The following STK3 variants were observed in gnomAD, a reference collection of about 807,000 sequenced individuals.
The protein encoded by STK3 is serine/threonine kinase 3, also known as serine/threonine-protein kinase 3.
A neutral mutation model predicts 58.0 loss-of-function variants in STK3; 41 were observed. The observed-to-expected ratio is 0.71, with a 90% CI of 0.55 to 0.92. The LOEUF (loss-of-function observed/expected upper bound fraction) is 0.92, where lower values mean the gene tolerates loss of function less well. STK3 is among the 40% of genes least tolerant of loss of function. The probability of loss-of-function intolerance (pLI) is 0.00; values close to 1 mark genes in which losing one functional copy is unlikely to be tolerated. For synonymous variants in STK3, 170 were observed against 191.0 expected, an observed-to-expected ratio of 0.89 and a Z score of 0.91; for missense variants, 479 against 602.7, an observed-to-expected ratio of 0.79 and a Z score of 2.15.
At chr8:98,431,803 G>T (rs1327294886) in intron 3 of STK3, 1 of 167,030 alleles carries the variant, frequency 6.0e-6, no homozygotes, top group African/African-American at 2.4e-5. Context: ...TTCGTTGGAG[G>T]AATCCCAACG....
chr8:98,626,557 C>A (rs1415122969), intron 6 of STK3, among the ~76,000 whole-genome samples: 2 of 152,090 alleles, frequency 1.3e-5, no homozygotes, highest in African/African-American at 4.8e-5. Flanking sequence ...AGAAAAAAGG[C>A]CCTGCTTTAG....
chr8:98,487,353 A>G (rs2131305270), intron 10 of STK3, among the ~76,000 whole-genome samples: 1 of 152,348 alleles, frequency 6.6e-6, no homozygotes. Flanking sequence ...GAGCACATAC[A>G]ATGTGCATGC....
At chr8:98,395,915 T>G (rs1817893537) in intron 3 of STK3, among the ~76,000 whole-genome samples, 1 of 152,272 alleles carries the variant, frequency 6.6e-6, no homozygotes, top group South Asian at 2.1e-4. Context: ...CTTTCTTGAC[T>G]AGATATTTTA....
chr8:98,579,836 A>G (rs749318247), intron 7 of STK3, 47 bp from the exon 8 acceptor site: 4 of 1,492,814 alleles, frequency 2.7e-6, no homozygotes, highest in East Asian at 2.4e-5. Flanking sequence ...ATTTTTCCGA[A>G]TTATAGCTAA....
chr8:98,903,472 A>C (rs1462940101), intron 1 of STK3, among the ~76,000 whole-genome samples: 1 of 150,636 alleles, frequency 6.6e-6, no homozygotes, highest in Non-Finnish European at 1.5e-5. Context: ...TTATATTTCC[A>C]CTTCAATTTA....
chr8:98,697,245 T>C (rs543595964), intron 6 of STK3, among the ~76,000 whole-genome samples: 1 of 152,342 alleles, frequency 6.6e-6, no homozygotes, highest in South Asian at 2.1e-4. Context: ...GATTCTTCTC[T>C]CTTTTCTTCT....
intron 1 of STK3, chr8:98,905,735 A>C: frequency 1.8e-6 from 1 of 540,644 alleles, no homozygotes; most frequent in Non-Finnish European, 3.4e-6. Context: ...ACCCTACAAA[A>C]TCGTTTGTCT....
chr8:98,414,193 G>A (rs531091626), intron 3 of STK3, among the ~76,000 whole-genome samples: 103 of 152,314 alleles, frequency 6.8e-4, no homozygotes, highest in South Asian at 3.1e-3. Flanking sequence ...GAACCTGGGA[G>A]GCGGAGGTTG....
intron 1 of STK3, among the ~76,000 whole-genome samples, chr8:98,917,812 C>G (rs186684038): frequency 1.7e-4 from 26 of 152,306 alleles, no homozygotes; most frequent in Admixed American, 7.2e-4. Context: ...AACACCCTGC[C>G]AAACACCAAG....
chr8:98,579,046 G>C (rs990245501), intron 8 of STK3, among the ~76,000 whole-genome samples: 6 of 152,128 alleles, frequency 3.9e-5, no homozygotes, highest in African/African-American at 1.4e-4. Flanking sequence ...AGATACTCAT[G>C]AGGCTGAGGC....
At chr8:98,919,577 CA>C (rs1839478305) in intron 1 of STK3, among the ~76,000 whole-genome samples, 1 of 152,054 alleles carries the variant, frequency 6.6e-6, no homozygotes, top group Non-Finnish European at 1.5e-5. Flanking sequence ...GTGATGTATC[CA>C]TTTGTCAAAC....
intron 8 of STK3, among the ~76,000 whole-genome samples, chr8:98,553,578 A>T (rs1182297005): frequency 6.6e-6 from 1 of 152,174 alleles, no homozygotes; most frequent in Non-Finnish European, 1.5e-5. Context: ...GACAGGAAAT[A>T]ATGCCATTAA....
At chr8:98,478,779 AG>A (rs1178393864) in intron 10 of STK3, among the ~76,000 whole-genome samples, 2 of 152,174 alleles carry the variant, frequency 1.3e-5, no homozygotes, top group Non-Finnish European at 2.9e-5. Context: ...AAGGTGGCAT[AG>A]GTGGCTCCCT....
At chr8:98,752,973 G>A (rs542116430) in intron 3 of STK3, among the ~76,000 whole-genome samples, 18 of 150,906 alleles carry the variant, frequency 1.2e-4, no homozygotes, top group Admixed American at 4.6e-4. Flanking sequence ...ATGCTGGCAA[G>A]GTTGTGAAGA....
intron 10 of STK3, among the ~76,000 whole-genome samples, chr8:98,487,803 T>C (rs563921439): frequency 1.3e-5 from 2 of 152,262 alleles, no homozygotes; most frequent in East Asian, 1.9e-4. Context: ...ATCACTATAG[T>C]TGGGGAATAA....
chr8:98,529,180 G>T (rs1235099855), intron 9 of STK3, among the ~76,000 whole-genome samples: 1 of 152,052 alleles, frequency 6.6e-6, no homozygotes, highest in East Asian at 1.9e-4. Flanking sequence ...AGCATGTTAA[G>T]ACTTATTTTT....
chr8:98,625,191 C>T lies in STK3; in HGVS notation c.685-29022G>A, dbSNP rs538483218. ...GCTAGCAGTGTATCTTGAAAGAAGG[C>T]GCTTAAACTGTGAGCCTTACTGCTA... On this transcript the variant is annotated intron_variant, in intron 6 of 10. Transcript: ENST00000419617. 2.0e-4 allele frequency among the ~76,000 whole-genome samples: 30 copies of T among 152,118 alleles called. No homozygotes were observed. The East Asian group carries it at 4.4e-3, about 23-fold the overall frequency.
intron 2 of STK3, among the ~76,000 whole-genome samples, chr8:98,771,250 A>G (rs1286965728): frequency 6.6e-6 from 1 of 152,228 alleles, no homozygotes; most frequent in East Asian, 1.9e-4. Context: ...TGTAGGTCCA[A>G]CTACACTGTA....
intron 8 of STK3, among the ~76,000 whole-genome samples, chr8:98,561,735 C>A (rs185077876): frequency 3.0e-4 from 45 of 152,102 alleles, no homozygotes; most frequent in African/African-American, 1.1e-3. Flanking sequence ...AAAGGCAAAT[C>A]AAAAATGGGA....
Sources: gnomAD v4.1 joint callset for allele counts (sites outside exome capture counted in the v4.1 genomes callset) on GRCh38, gnomAD v4.1.1 for gene constraint, MANE v1.5 for transcripts, NCBI Gene and HGNC (gene_info 2026-07-23, HGNC 2026-07-21) for gene names.